GMDS: variants seen among roughly 807,000 people sequenced by gnomAD.
GMDS encodes GDP-mannose 4,6 dehydratase.
A neutral mutation model predicts 49.9 loss-of-function variants in GMDS; 20 were observed. That is an observed-to-expected ratio of 0.40 (90% confidence interval 0.28 to 0.58). GMDS has a LOEUF of 0.58. Ranked by LOEUF, GMDS falls within the 20% of genes least tolerant of loss-of-function variation. The pLI is 0.42. For missense variants in GMDS, 362 were observed against 481.4 expected (o/e 0.75, Z 2.32); for synonymous variants, 177 against 178.6 (o/e 0.99, Z 0.07).
At chr6:1,846,993 C>A (rs992531219) in intron 7 of GMDS, among the ~76,000 whole-genome samples, 6 of 152,166 alleles carry the variant, frequency 3.9e-5, no homozygotes, top group African/African-American at 1.4e-4. Flanking sequence ...CATGCTTGAC[C>A]TTTCAGATGT....
intron 7 of GMDS, among the ~76,000 whole-genome samples, chr6:1,780,081 G>T (rs369725517): frequency 6.6e-6 from 1 of 152,208 alleles, no homozygotes; most frequent in African/African-American, 2.4e-5. Context: ...GGGAATGGAC[G>T]CCAAATCGAA....
intron 1 of GMDS, among the ~76,000 whole-genome samples, chr6:2,227,685 C>T (rs923656113): frequency 3.3e-5 from 5 of 152,144 alleles, no homozygotes; most frequent in African/African-American, 1.2e-4. Flanking sequence ...AGCGGGCAGG[C>T]CAGAGCTGTT....
intron 7 of GMDS, among the ~76,000 whole-genome samples, chr6:1,767,770 C>T (rs1313283646): frequency 2.6e-5 from 4 of 152,166 alleles, no homozygotes; most frequent in African/African-American, 4.8e-5. Flanking sequence ...GTGACATCCC[C>T]GGAGGGCACT....
intron 4 of GMDS, among the ~76,000 whole-genome samples, chr6:2,070,418 T>C (rs1330320776): frequency 1.3e-5 from 2 of 151,672 alleles, no homozygotes; most frequent in African/African-American, 4.8e-5. Flanking sequence ...TAAAGTATAA[T>C]AATAATAAAA....
At chr6:1,649,714 C>G (rs1020469560) in intron 9 of GMDS, among the ~76,000 whole-genome samples, 1 of 152,194 alleles carries the variant, frequency 6.6e-6, no homozygotes, top group African/African-American at 2.4e-5. Context: ...GGCCAATGAC[C>G]CCAGGTTCTT....
chr6:2,142,142 T>C (rs1338845348), intron 1 of GMDS, among the ~76,000 whole-genome samples: 1 of 152,218 alleles, frequency 6.6e-6, no homozygotes, highest in Non-Finnish European at 1.5e-5. Flanking sequence ...GTTTCAATTT[T>C]ACGTTTTTGT....
chr6:2,201,990 T>C (rs1306221926), intron 1 of GMDS, among the ~76,000 whole-genome samples: 75 of 75,176 alleles, frequency 1.0e-3, no homozygotes, highest in East Asian at 1.7e-3. Flanking sequence ...AGCAGAGAGG[T>C]GAAGGATGAA....
At chr6:2,005,401 T>C (rs1483762227) in intron 4 of GMDS, among the ~76,000 whole-genome samples, 1 of 152,140 alleles carries the variant, frequency 6.6e-6, no homozygotes, top group Non-Finnish European at 1.5e-5. Flanking sequence ...TTTCAACTCT[T>C]TCAGGGGAAA....
intron 4 of GMDS, among the ~76,000 whole-genome samples, chr6:2,114,795 T>C (rs1037848830): frequency 3.3e-5 from 5 of 152,214 alleles, no homozygotes; most frequent in African/African-American, 9.6e-5. Context: ...GGTTTCATTT[T>C]ATCTAGTTCA....
chr6:2,086,565 G>A (rs894163721), intron 4 of GMDS, among the ~76,000 whole-genome samples: 1 of 152,218 alleles, frequency 6.6e-6, no homozygotes, highest in Non-Finnish European at 1.5e-5. Context: ...CAGCTGACTC[G>A]GGGACTTCGA....
At chr6:1,774,884 GGCAGT>G (rs1768733868) in intron 7 of GMDS, among the ~76,000 whole-genome samples, 1 of 152,140 alleles carries the variant, frequency 6.6e-6, no homozygotes, top group South Asian at 2.1e-4. Context: ...GCTGAAGGTG[GGCAGT>G]TCATCAGAGG....
chr6:2,042,445 T>G (rs1290911185), intron 4 of GMDS, among the ~76,000 whole-genome samples: 3 of 152,100 alleles, frequency 2.0e-5, no homozygotes, highest in African/African-American at 7.2e-5. Flanking sequence ...CCCCATACCC[T>G]GGGCACCCTC....
At chr6:1,737,934 CCA>C (rs745862046) in intron 8 of GMDS, among the ~76,000 whole-genome samples, 17 of 148,622 alleles carry the variant, frequency 1.1e-4, no homozygotes, top group East Asian at 4.0e-4. Flanking sequence ...TACATACACA[CCA>C]CACACACATA....
At chr6:2,093,935 G>A (rs1773456707) in intron 4 of GMDS, among the ~76,000 whole-genome samples, 1 of 152,176 alleles carries the variant, frequency 6.6e-6, no homozygotes, top group South Asian at 2.1e-4. Flanking sequence ...TATGGTGGGA[G>A]ACAGATTTCT....
chr6:2,112,684 G>A (rs753403790), intron 4 of GMDS, among the ~76,000 whole-genome samples: 6 of 152,094 alleles, frequency 3.9e-5, no homozygotes, highest in South Asian at 2.1e-4. Flanking sequence ...CCCCTTGCAC[G>A]CTGGCCAAGT....
intron 4 of GMDS, among the ~76,000 whole-genome samples, chr6:2,060,863 T>C (rs918038405): frequency 4.6e-5 from 7 of 151,678 alleles, no homozygotes; most frequent in Middle Eastern, 3.4e-3. Context: ...CTACCAAAAA[T>C]ACAAAAATTA....
chr6:2,139,656 G>A (rs919556251), intron 1 of GMDS, among the ~76,000 whole-genome samples: 1 of 152,088 alleles, frequency 6.6e-6, no homozygotes, highest in Non-Finnish European at 1.5e-5. Flanking sequence ...GTAATTAAGT[G>A]ACTTACCCAA....
chr6:2,187,813 G>A (rs1205006281), intron 1 of GMDS, among the ~76,000 whole-genome samples: 1 of 152,162 alleles, frequency 6.6e-6, no homozygotes, highest in African/African-American at 2.4e-5. Flanking sequence ...TTTTATTCAA[G>A]GAGACTGTTA....
At chr6:2,034,123 G>A (rs763404454) in intron 4 of GMDS, among the ~76,000 whole-genome samples, 35 of 152,116 alleles carry the variant, frequency 2.3e-4, no homozygotes, top group Non-Finnish European at 4.4e-4. Flanking sequence ...TAAGGGACAC[G>A]TACAAAAATA....
Sources: allele counts gnomAD v4.1 joint callset (sites outside exome capture counted in the v4.1 genomes callset), GRCh38; gene constraint gnomAD v4.1.1; transcripts MANE v1.5; gene names NCBI Gene and HGNC (gene_info 2026-07-23, HGNC 2026-07-21).